Variants in TMCO5A observed in about 807,000 individuals in gnomAD.
The protein encoded by TMCO5A is transmembrane and coiled-coil domain-containing protein 5A.
A neutral mutation model predicts 42.3 loss-of-function variants in TMCO5A; 34 were observed. That is an observed-to-expected ratio of 0.80 (90% CI 0.61 to 1.07). TMCO5A has a LOEUF of 1.07. Ranked by LOEUF, TMCO5A falls within the 50% of genes least tolerant of loss-of-function variation. The probability of loss-of-function intolerance (pLI) is 0.00; values close to 1 mark genes in which losing one functional copy is unlikely to be tolerated. For missense variants in TMCO5A, 357 were observed against 327.9 expected (o/e 1.09, Z -0.69); for synonymous variants, 131 against 115.6 (o/e 1.13, Z -0.86).
chr15:37,979,058 C>A, the TMCO5A span, among the ~76,000 whole-genome samples: 1 of 152,070 alleles, frequency 6.6e-6, no homozygotes, highest in Non-Finnish European at 1.5e-5. Context: ...GCCCCACCTC[C>A]CCATGATCCA....
chr15:38,031,290 G>T, the TMCO5A span, among the ~76,000 whole-genome samples: 105 of 152,226 alleles, frequency 6.9e-4, no homozygotes, highest in African/African-American at 2.4e-3. Context: ...CTGGGTCCCT[G>T]TTCCATTACC....
chr15:37,942,918 C>A, intron 9 of TMCO5A: 1 of 153,738 alleles, frequency 6.5e-6, no homozygotes, highest in Non-Finnish European at 1.4e-5. Context: ...TTTTTAAATC[C>A]TTAGATCAAG....
At chr15:37,998,109 C>G in the TMCO5A span, among the ~76,000 whole-genome samples, 2 of 148,432 alleles carry the variant, frequency 1.3e-5, no homozygotes, top group African/African-American at 4.8e-5. Flanking sequence ...AATCGCTTGT[C>G]AGATAAGTAG....
chr15:38,024,501 T>A, the TMCO5A span, among the ~76,000 whole-genome samples: 1 of 152,142 alleles, frequency 6.6e-6, no homozygotes, highest in African/African-American at 2.4e-5. Context: ...TGGTGGAGGA[T>A]CAGGTGAATC....
At chr15:37,964,555 G>A (rs1890511619) in intron 11 of TMCO5A, among the ~76,000 whole-genome samples, 1 of 151,868 alleles carries the variant, frequency 6.6e-6, no homozygotes, top group Admixed American at 6.6e-5. Flanking sequence ...TTGCAATCTA[G>A]TCCTGCCTCC....
At chr15:38,006,333 G>A in the TMCO5A span, among the ~76,000 whole-genome samples, 23 of 152,204 alleles carry the variant, frequency 1.5e-4, no homozygotes, top group Admixed American at 5.9e-4. Context: ...TGCCTGGTAT[G>A]ATTCAGAGCA....
At chr15:38,003,917 G>A in the TMCO5A span, among the ~76,000 whole-genome samples, 3 of 152,092 alleles carry the variant, frequency 2.0e-5, no homozygotes, top group Non-Finnish European at 4.4e-5. Flanking sequence ...TGGTACCCAA[G>A]CTTCAAAACC....
chr15:38,037,662 C>G, the TMCO5A span, among the ~76,000 whole-genome samples: 1 of 152,190 alleles, frequency 6.6e-6, no homozygotes. Flanking sequence ...AGGGCCACAT[C>G]ACCACACAAT....
At position 37,951,203 on chromosome 15, in the gene TMCO5A, C is replaced by A. The variant is rs1240940932; in HGVS notation, c.836C>A (p.Thr279Lys). Reference protein sequence around the residue: ...KLRCFFFPSLTLETEDMLPH With the variant: ...KLRCFFFPSLKLETEDMLPH Reference sequence around the variant, plus strand: ...AGATGCTTCTTCTTTCCATCTCTCACACTTGAGACAGAGGACATGTTACCC... The same window carrying A: ...AGATGCTTCTTCTTTCCATCTCTCAAACTTGAGACAGAGGACATGTTACCC... The change falls in exon 12 of 12, where the codon ACA (threonine) becomes AAA (lysine). Residue 279 changes from threonine to lysine, a missense_variant. Transcript: ENST00000319669. The A allele has an allele frequency of 6.2e-7, 1 of 1,613,806 alleles. No individual in the cohort carries two copies. The highest frequency in any genetic ancestry group is 2.2e-5 in the East Asian group (1 of 44,850).
intron 6 of TMCO5A, among the ~76,000 whole-genome samples, chr15:37,939,927 A>G (rs1157383419): frequency 6.6e-6 from 1 of 152,178 alleles, no homozygotes; most frequent in Non-Finnish European, 1.5e-5. Context: ...AATGGCACCT[A>G]GATCAAAGTG....
At chr15:37,949,362 C>T (rs1890080021) in intron 11 of TMCO5A, among the ~76,000 whole-genome samples, 1 of 152,066 alleles carries the variant, frequency 6.6e-6, no homozygotes, top group African/African-American at 2.4e-5. Context: ...AAAATATACT[C>T]TATATGGAAG....
Position 37,962,731 on chromosome 15 carries a change from C to G in TMCO5A, c.669-3894C>G, listed in dbSNP as rs1890460833. Among the ~76,000 whole-genome samples, 2 of 152,024 alleles carry G rather than the reference C, an allele frequency of 1.3e-5. 1 individual carries two copies. Among genetic ancestry groups the G allele is most frequent in the South Asian group, 4.1e-4 (2 of 4,828 alleles). ...TTCTATCTCACTGCTTGTTATTGGT[C>G]TGTTCAGTGTATCTAATTCTTCCCA... On this transcript the variant is annotated intron_variant, in intron 11 of 11. Transcript: ENST00000559502.
chr15:37,968,129 C>G (rs1890600076), downstream of TMCO5A, among the ~76,000 whole-genome samples: 1 of 152,162 alleles, frequency 6.6e-6, no homozygotes, highest in Non-Finnish European at 1.5e-5. Context: ...AACAGTGTCC[C>G]ATGCTTAGAA....
the TMCO5A span, among the ~76,000 whole-genome samples, chr15:38,008,583 A>G: frequency 6.6e-6 from 1 of 152,202 alleles, no homozygotes; most frequent in Non-Finnish European, 1.5e-5. Context: ...ATTTTCTAGG[A>G]TCAAAATGAC....
At chr15:37,937,078 A>G in intron 4 of TMCO5A, 108 bp downstream of exon 4, 1 of 1,482,756 alleles carries the variant, frequency 6.7e-7, no homozygotes, top group Non-Finnish European at 9.1e-7. Context: ...AACAGTAGCC[A>G]TCTCAAAAGT....
intron 11 of TMCO5A, among the ~76,000 whole-genome samples, chr15:37,950,413 G>T (rs969983680): frequency 9.9e-5 from 15 of 152,114 alleles, no homozygotes; most frequent in Non-Finnish European, 2.1e-4. Flanking sequence ...GCAAGTGAAA[G>T]TTATGAAGTT....
At chr15:38,031,192 T>G in the TMCO5A span, among the ~76,000 whole-genome samples, 1 of 152,166 alleles carries the variant, frequency 6.6e-6, no homozygotes, top group Non-Finnish European at 1.5e-5. Flanking sequence ...GTCCTGTGGA[T>G]GGACTCTGTT....
chr15:37,945,814 G>T (rs1889928423), intron 10 of TMCO5A, among the ~76,000 whole-genome samples: 6 of 152,102 alleles, frequency 3.9e-5, no homozygotes, highest in Admixed American at 3.3e-4. Flanking sequence ...CTCCTATTCT[G>T]TAGGTTGTCT....
the TMCO5A span, among the ~76,000 whole-genome samples, chr15:37,980,705 G>A: frequency 7.7e-3 from 1,151 of 148,754 alleles, 19 homozygotes; most frequent in African/African-American, 0.026. Flanking sequence ...GTGGAACTCT[G>A]AGATTCAGTG....
Sources: allele counts gnomAD v4.1 joint callset (sites outside exome capture counted in the v4.1 genomes callset), GRCh38; gene constraint gnomAD v4.1.1; transcripts MANE v1.5; gene names NCBI Gene and HGNC (gene_info 2026-07-23, HGNC 2026-07-21).